Variants in LINGO2 observed in about 807,000 individuals in gnomAD.
The protein encoded by LINGO2 is leucine rich repeat and Ig domain containing 2.
Under a neutral mutation model 30.6 loss-of-function variants are expected in LINGO2, and 14 were observed. The ratio of observed to expected loss-of-function variants is 0.46; its 90% CI spans 0.30 to 0.72. LINGO2 has a LOEUF of 0.72. LINGO2 is among the 30% of genes least tolerant of loss of function. The pLI, the probability that LINGO2 is intolerant of heterozygous loss-of-function variation, is 0.07. For synonymous variants in LINGO2, 317 were observed against 288.5 expected (o/e 1.10, Z -1.00); for missense variants, 729 against 751.7 (o/e 0.97, Z 0.35).
the LINGO2 span, among the ~76,000 whole-genome samples, chr9:28,744,090 T>G: frequency 6.9e-6 from 1 of 145,078 alleles, no homozygotes; most frequent in African/African-American, 2.6e-5. Flanking sequence ...ACTCTTGAAC[T>G]CCTATATATA....
rs920179943 is a variant in LINGO2, at chr9:28,555,852, T to G, written c.-364-79827A>C. On this transcript the variant is annotated intron_variant, in intron 1 of 5. Coordinates refer to ENST00000379992, the Ensembl canonical transcript of LINGO2. ...GCAAGGCTGGTTCAATATAAGCAAA[T>G]CAATAAATGTAATCCAGCATATAAA... Among the ~76,000 whole-genome samples the G allele has an allele frequency of 1.9e-3, 294 of 152,016 alleles. 3 individuals carry two copies. Among genetic ancestry groups the G allele is most frequent in the African/African-American group, 6.8e-3 (281 of 41,492 alleles).
intron 1 of LINGO2, among the ~76,000 whole-genome samples, chr9:28,560,120 C>A (rs900652256): frequency 6.6e-6 from 1 of 151,442 alleles, no homozygotes; most frequent in African/African-American, 2.4e-5. Flanking sequence ...ATGATCTGCT[C>A]ACCACTGATT....
chr9:28,971,714 C>T, the LINGO2 span, among the ~76,000 whole-genome samples: 17,992 of 152,260 alleles, frequency 0.12, 1,058 homozygotes, highest in South Asian at 0.16. Flanking sequence ...AGGGGCCTAG[C>T]GGAACTTGGT....
intron 4 of LINGO2, among the ~76,000 whole-genome samples, chr9:28,117,574 G>A (rs1238672000): frequency 1.0e-5 from 1 of 99,680 alleles, no homozygotes; most frequent in Non-Finnish European, 2.1e-5. Context: ...TTCCGTGGGC[G>A]TAGGACCCTC....
chr9:28,139,369 A>T (rs1827610943), intron 4 of LINGO2, among the ~76,000 whole-genome samples: 1 of 152,342 alleles, frequency 6.6e-6, no homozygotes, highest in South Asian at 2.1e-4. Context: ...GGAATAAAGT[A>T]TCCTTAACTC....
chr9:28,251,964 A>C (rs1210922270), intron 4 of LINGO2, among the ~76,000 whole-genome samples: 1 of 152,146 alleles, frequency 6.6e-6, no homozygotes, highest in Non-Finnish European at 1.5e-5. Flanking sequence ...TGATTCTTAC[A>C]TGTTCTACCA....
chr9:28,761,464 CAT>C, the LINGO2 span, among the ~76,000 whole-genome samples: 1 of 140,964 alleles, frequency 7.1e-6, no homozygotes, highest in African/African-American at 2.6e-5. Context: ...AGGGCAGGCT[CAT>C]GTGAAAAATA....
In LINGO2 at chr9:28,558,622, C is replaced by T. The variant is rs144438361; in HGVS notation, c.-364-82597G>A. 6.6e-3 allele frequency among the ~76,000 whole-genome samples: 1,012 copies of T among 152,194 alleles called. 13 individuals are homozygous for T. Among genetic ancestry groups the T allele is most frequent in the Middle Eastern group, 0.01 (3 of 294 alleles). On this transcript the variant is annotated intron_variant, in intron 1 of 5. Coordinates refer to ENST00000379992, the Ensembl canonical transcript of LINGO2. ...CTTTTATGGTATTTAGCCATAATTT[C>T]ATCTCTTTTGGCAAAAGTCCCTGGT...
chr9:27,994,576 GC>G (rs940941180), intron 5 of LINGO2, among the ~76,000 whole-genome samples: 39 of 152,236 alleles, frequency 2.6e-4, no homozygotes, highest in African/African-American at 8.7e-4. Flanking sequence ...CCATTAAGAA[GC>G]CCTGTAATCA....
chr9:28,026,874 C>G (rs1295565989), intron 4 of LINGO2, among the ~76,000 whole-genome samples: 1 of 152,130 alleles, frequency 6.6e-6, no homozygotes, highest in Non-Finnish European at 1.5e-5. Context: ...TTGCCCTTGT[C>G]TAAAAATGTT....
chr9:28,903,353 T>C, the LINGO2 span, among the ~76,000 whole-genome samples: 1 of 152,098 alleles, frequency 6.6e-6, no homozygotes, highest in East Asian at 1.9e-4. Flanking sequence ...AACAGACCAA[T>C]AATGAGAAAG....
At chr9:28,898,987 T>A in the LINGO2 span, among the ~76,000 whole-genome samples, 1 of 152,162 alleles carries the variant, frequency 6.6e-6, no homozygotes, top group Non-Finnish European at 1.5e-5. Context: ...GGTGAAGACA[T>A]CAGCAATAGG....
intron 1 of LINGO2, among the ~76,000 whole-genome samples, chr9:28,479,208 T>C (rs1343558147): frequency 1.3e-5 from 2 of 151,960 alleles, no homozygotes; most frequent in East Asian, 3.9e-4. Context: ...AAGAATTAGT[T>C]CAAGCATATA....
At chr9:28,931,462 A>G in the LINGO2 span, among the ~76,000 whole-genome samples, 1 of 152,280 alleles carries the variant, frequency 6.6e-6, no homozygotes, top group South Asian at 2.1e-4. Context: ...ATGCCTTCAG[A>G]CAGTTTTGCA....
intron 1 of LINGO2, among the ~76,000 whole-genome samples, chr9:28,602,234 T>C (rs1189437557): frequency 6.6e-6 from 1 of 152,106 alleles, no homozygotes; most frequent in Non-Finnish European, 1.5e-5. Flanking sequence ...TTATTAGTCA[T>C]TCATTGGCTT....
At chr9:28,054,188 G>T (rs926941769) in intron 4 of LINGO2, among the ~76,000 whole-genome samples, 9 of 152,064 alleles carry the variant, frequency 5.9e-5, no homozygotes, top group Admixed American at 5.2e-4. Context: ...AAGGCATTAG[G>T]AGAAATCTTA....
chr9:28,489,896 CAAAAAAA>C (rs36068240), intron 1 of LINGO2, among the ~76,000 whole-genome samples: 14 of 66,920 alleles, frequency 2.1e-4, no homozygotes, highest in Admixed American at 5.7e-4. Flanking sequence ...GACTTTGTCT[CAAAAAAA>C]AAAAAAAAAA....
At chr9:28,226,934 G>T (rs1292719987) in intron 4 of LINGO2, among the ~76,000 whole-genome samples, 2 of 152,110 alleles carry the variant, frequency 1.3e-5, no homozygotes, top group Non-Finnish European at 2.9e-5. Context: ...TTAGAACTAG[G>T]TAGGGTTTTA....
At chr9:28,548,729 A>T (rs1002705868) in intron 1 of LINGO2, among the ~76,000 whole-genome samples, 31 of 140,322 alleles carry the variant, frequency 2.2e-4, no homozygotes, top group Admixed American at 1.2e-3. Flanking sequence ...AAAAAAAAAA[A>T]ATATTTGATT....
Sources: gnomAD v4.1 joint callset for allele counts (sites outside exome capture counted in the v4.1 genomes callset) on GRCh38, gnomAD v4.1.1 for gene constraint, MANE v1.5 for transcripts, NCBI Gene and HGNC (gene_info 2026-07-23, HGNC 2026-07-21) for gene names.